GABRQ: variants seen among roughly 807,000 people sequenced by gnomAD.
GABRQ encodes gamma-aminobutyric acid receptor subunit theta.
Under a neutral mutation model 30.5 loss-of-function variants are expected in GABRQ, and 19 were observed. The ratio of observed to expected loss-of-function variants is 0.62; its 90% CI spans 0.43 to 0.91. GABRQ has a LOEUF of 0.91. GABRQ is among the 40% of genes least tolerant of loss of function. The probability of loss-of-function intolerance (pLI) is 0.00; values close to 1 mark genes in which losing one functional copy is unlikely to be tolerated. For synonymous variants in GABRQ, 187 were observed against 210.2 expected (o/e 0.89, Z 0.95); for missense variants, 520 against 521.4 (o/e 1.00, Z 0.03).
chrX:152,655,891 C>T lies in GABRQ; in HGVS notation c.*2610C>T, dbSNP rs1457106050. Reference sequence around the variant, plus strand: ...CTGGAAGCAATGCACATGAAGGCTTCACAGCACAGAGGAAGGGCAGCGAGG... The same window carrying T: ...CTGGAAGCAATGCACATGAAGGCTTTACAGCACAGAGGAAGGGCAGCGAGG... On this transcript the variant is annotated 3_prime_UTR_variant, in exon 9 of 9. Coordinates refer to ENST00000598523, the MANE Select transcript of GABRQ (RefSeq NM_018558.4). 3 of 112,127 alleles carry T rather than the reference C, an allele frequency of 2.7e-5. No individual in the cohort carries two copies. The highest frequency in any genetic ancestry group is 1.9e-4 in the Admixed American group (2 of 10,641). 9.2% of individuals were successfully genotyped at this position (112,127 alleles called of 1,213,427 possible).
intron 3 of GABRQ, among the ~76,000 whole-genome samples, chrX:152,646,106 G>A (rs1223665764): frequency 5.3e-5 from 6 of 112,572 alleles, no homozygotes; most frequent in East Asian, 2.8e-4. Flanking sequence ...TTTTGAAACC[G>A]ATAGAAAAAT....
At chrX:152,648,189 A>G (rs1014312567) in intron 4 of GABRQ, among the ~76,000 whole-genome samples, 1 of 110,900 alleles carries the variant, frequency 9.0e-6, no homozygotes, top group Admixed American at 9.5e-5. Flanking sequence ...CAAGGAAGCA[A>G]TTGAAAGGGA....
intron 3 of GABRQ, 97 bp from the exon 4 acceptor site, chrX:152,646,851 A>G: frequency 1.8e-6 from 1 of 544,563 alleles, no homozygotes; most frequent in African/African-American, 2.2e-5. Context: ...ACTTGCATAC[A>G]CAAGTGCATG....
intron 8 of GABRQ, 137 bp downstream of exon 8, chrX:152,651,919 A>G: frequency 1.9e-6 from 1 of 513,916 alleles, no homozygotes; most frequent in Non-Finnish European, 3.2e-6. Context: ...ACACACACAC[A>G]CAACATATAA....
chrX:152,638,616 C>G (rs1384946115), intron 1 of GABRQ, among the ~76,000 whole-genome samples: 1 of 112,259 alleles, frequency 8.9e-6, no homozygotes, highest in Non-Finnish European at 1.9e-5. Context: ...TAAACCGCAG[C>G]CCGAGGGGTG....
At chrX:152,641,248 C>T (rs1372302632) in intron 2 of GABRQ, among the ~76,000 whole-genome samples, 3 of 111,998 alleles carry the variant, frequency 2.7e-5, no homozygotes, top group African/African-American at 9.7e-5. Context: ...TACCCTGACC[C>T]GGCGTAGCAA....
intron 4 of GABRQ, among the ~76,000 whole-genome samples, chrX:152,648,200 C>T (rs1358512610): frequency 9.0e-6 from 1 of 111,102 alleles, no homozygotes; most frequent in East Asian, 2.8e-4. Context: ...TTGAAAGGGA[C>T]TCAGCTGGGG....
rs1211421598 is a variant in GABRQ at position 152,654,818 on chromosome X, T to C, written c.*1537T>C. The C allele has an allele frequency of 1.8e-5, 2 of 112,439 alleles. No homozygotes were observed. The highest frequency in any genetic ancestry group is 6.5e-5 in the African/African-American group (2 of 30,898). 9.3% of individuals were successfully genotyped at this position (112,439 alleles called of 1,213,427 possible). On this transcript the variant is annotated 3_prime_UTR_variant, in exon 9 of 9. Coordinates refer to ENST00000598523, the MANE Select transcript of GABRQ (RefSeq NM_018558.4). ...AGTCTCTCCCTCAGTCCCTTACCCC[T>C]CTACCCACTCACCCTTTAACTGTGC...
intron 1 of GABRQ, among the ~76,000 whole-genome samples, 171 bp from the exon 2 acceptor site, chrX:152,640,207 C>T (rs1930722377): frequency 9.1e-6 from 1 of 110,152 alleles, no homozygotes; most frequent in Admixed American, 9.6e-5. Context: ...GTCACCGCTG[C>T]GCTTCTGGCT....
chrX:152,648,117 A>C (rs1422292160), intron 4 of GABRQ, among the ~76,000 whole-genome samples: 1 of 111,734 alleles, frequency 8.9e-6, no homozygotes, highest in Non-Finnish European at 1.9e-5. Context: ...AGGGAGAAAA[A>C]CACACATGCA....
At chrX:152,644,241 C>T (rs782493834) in intron 2 of GABRQ, among the ~76,000 whole-genome samples, 3 of 111,887 alleles carry the variant, frequency 2.7e-5, no homozygotes, top group South Asian at 3.7e-4. Flanking sequence ...CACATATTAA[C>T]ATCCTCACAC....
Position 152,648,882 on chromosome X carries a change from C to T in GABRQ, c.528-369C>T, listed in dbSNP as rs1930951700. ...GCCTGGATGGAGGCTCCCAGCTGTA[C>T]ATGCACACTTGACACCAGCACTCCA... On this transcript the variant is annotated intron_variant, in intron 4 of 8. Coordinates refer to ENST00000598523, the MANE Select transcript of GABRQ (RefSeq NM_018558.4). Among the ~76,000 whole-genome samples, 3 of 112,597 alleles carry T rather than the reference C, an allele frequency of 2.7e-5. No homozygotes were observed. The Admixed American group carries it at 2.8e-4, about 11-fold the overall frequency.
At chrX:152,652,486 G>T in intron 8 of GABRQ, 55 bp from the exon 9 acceptor site, 1 of 1,025,200 alleles carries the variant, frequency 9.8e-7, no homozygotes, top group Non-Finnish European at 1.3e-6. Context: ...TCCCCCCAGT[G>T]CATATCCATC....
chrX:152,651,444 A>G, intron 7 of GABRQ, 82 bp from the exon 8 acceptor site: 2 of 865,920 alleles, frequency 2.3e-6, no homozygotes, highest in Non-Finnish European at 3.4e-6. Context: ...CCTCACCCCA[A>G]ATATGTTTGG....
chrX:152,645,148 C>T (rs781961508), intron 2 of GABRQ, among the ~76,000 whole-genome samples: 35 of 112,518 alleles, frequency 3.1e-4, no homozygotes, highest in Non-Finnish European at 4.9e-4. Flanking sequence ...CACAAACACA[C>T]ACATTCACTC....
chrX:152,650,361 T>C lies in GABRQ; in HGVS notation c.749-67T>C. 15 of 980,699 alleles carry C rather than the reference T, an allele frequency of 1.5e-5. No homozygotes were observed. In the South Asian group the frequency reaches 3.2e-4, roughly 21 times the overall value. The allele number at this position is 980,699 out of a possible 1,213,427, so 80.8% of individuals were successfully genotyped here. ...ATTGCTCTCCCCTCCTTCTCCATCC[T>C]GTACCTCTCCACCCTGCAAATGCGC... is the stretch of plus-strand genomic sequence containing the variant. On this transcript the variant is annotated intron_variant, in intron 6 of 8. Transcript: ENST00000598523.
chrX:152,645,202 T>A (rs781986667), intron 2 of GABRQ, among the ~76,000 whole-genome samples: 2 of 112,730 alleles, frequency 1.8e-5, no homozygotes, highest in South Asian at 7.3e-4. Flanking sequence ...TCTTGGCTCC[T>A]GCTTTGGGGC....
At chrX:152,643,449 C>T (rs1020919639) in intron 2 of GABRQ, among the ~76,000 whole-genome samples, 3 of 112,288 alleles carry the variant, frequency 2.7e-5, no homozygotes, top group Non-Finnish European at 5.6e-5. Context: ...GAATTGCAGG[C>T]GTCATGCATG....
chrX:152,645,464 C>T, intron 2 of GABRQ, 63 bp from the exon 3 acceptor site: 1 of 733,917 alleles, frequency 1.4e-6, no homozygotes, highest in Non-Finnish European at 2.2e-6. Context: ...CAGCCTGGCT[C>T]CCAAGTTTAT....
Sources: gnomAD v4.1 joint callset for allele counts (sites outside exome capture counted in the v4.1 genomes callset) on GRCh38, gnomAD v4.1.1 for gene constraint, MANE v1.5 for transcripts, NCBI Gene and HGNC (gene_info 2026-07-23, HGNC 2026-07-21) for gene names.